The following KANK1 variants were observed in gnomAD, a reference collection of about 807,000 sequenced individuals.
The protein encoded by KANK1 is KN motif and ankyrin repeat domain-containing protein 1.
Under a neutral mutation model 106.2 loss-of-function variants are expected in KANK1, and 109 were observed. The observed-to-expected ratio is 1.03, with a 90% confidence interval of 0.88 to 1.20. The LOEUF (loss-of-function observed/expected upper bound fraction) is 1.20, where lower values mean the gene tolerates loss of function less well. Among genes scored for constraint, KANK1 ranks in the 50% most tolerant of loss-of-function variants. The pLI is 0.00. For synonymous variants in KANK1, 873 were observed against 652.2 expected (o/e 1.34, Z -5.16); for missense variants, 2,399 against 1,710.7 (o/e 1.40, Z -7.10).
At chr9:552,379 C>G (rs2641989) in intron 1 of KANK1, among the ~76,000 whole-genome samples, 121,417 of 152,114 alleles carry the variant, frequency 0.8, 51,272 homozygotes, top group Non-Finnish European at 0.93. Flanking sequence ...AAGACTCAAA[C>G]TCATTTTTAT....
intron 3 of KANK1, among the ~76,000 whole-genome samples, chr9:487,466 C>CA (rs2058312089): frequency 6.6e-6 from 1 of 152,196 alleles, no homozygotes; most frequent in Non-Finnish European, 1.5e-5. Flanking sequence ...ATTTTCAACT[C>CA]ACAATGTTTT....
chr9:704,359 T>G (rs1179783465), intron 2 of KANK1, among the ~76,000 whole-genome samples: 1 of 152,302 alleles, frequency 6.6e-6, no homozygotes, highest in South Asian at 2.1e-4. Flanking sequence ...AGATATGAAC[T>G]CATGTTTCAA....
chr9:707,094 A>G (rs899859291), intron 2 of KANK1: 30 of 985,442 alleles, frequency 3.0e-5, no homozygotes, highest in African/African-American at 8.7e-5. Flanking sequence ...AGCTCAGCCT[A>G]TGGCATCCGA....
At chr9:520,345 A>G (rs2133192759) in intron 1 of KANK1, among the ~76,000 whole-genome samples, 1 of 151,792 alleles carries the variant, frequency 6.6e-6, no homozygotes, top group East Asian at 1.9e-4. Flanking sequence ...TCTCAAAAAA[A>G]TAAATAAAAA....
chr9:728,946 C>T (rs911978287), intron 3 of KANK1, among the ~76,000 whole-genome samples: 2 of 152,196 alleles, frequency 1.3e-5, no homozygotes, highest in African/African-American at 4.8e-5. Context: ...CCTGTAACTT[C>T]TAGTCCACTA....
chr9:717,616 A>G (rs1828070572), intron 3 of KANK1, among the ~76,000 whole-genome samples: 1 of 152,152 alleles, frequency 6.6e-6, no homozygotes, highest in South Asian at 2.1e-4. Context: ...AATGCATTTA[A>G]TATTTTCTTT....
Position 737,462 on chromosome 9 carries a change from T to C in KANK1, c.3334-823T>C, listed in dbSNP as rs145888942. On this transcript the variant is annotated intron_variant, in intron 7 of 11. Transcript: ENST00000382297. ...AATATTAAACTCATATGAAGGCCCA[T>C]TGAAAAGACACTGTAGTCATCCTCA... 6.6e-5 allele frequency among the ~76,000 whole-genome samples: 10 copies of C among 152,312 alleles called. No individual in the cohort carries two copies. The East Asian group carries it at 1.2e-3, about 18-fold the overall frequency.
intron 1 of KANK1, among the ~76,000 whole-genome samples, chr9:537,240 A>G (rs2060348467): frequency 6.6e-6 from 1 of 152,014 alleles, no homozygotes; most frequent in Non-Finnish European, 1.5e-5. Context: ...GGAAAATTGG[A>G]CCCCTCTGTG....
rs555895384 is a variant in KANK1, at chr9:631,560, C to G, written c.-83-45330C>G. Among the ~76,000 whole-genome samples the G allele has an allele frequency of 6.2e-4, 95 of 152,286 alleles. 1 individual carries two copies. The highest frequency in any genetic ancestry group is 2.3e-3 in the African/African-American group (94 of 41,550). On this transcript the variant is annotated intron_variant, in intron 1 of 11. Transcript: ENST00000382297. ...ATCTCCTTCTTCCACATTCCTCCTC[C>G]TCTAGGCAAGGCAAGTCGTTTTCCT...
intron 1 of KANK1, among the ~76,000 whole-genome samples, chr9:609,170 C>A (rs1202149756): frequency 6.6e-6 from 1 of 151,846 alleles, no homozygotes; most frequent in Admixed American, 6.6e-5. Flanking sequence ...GTATTATTTA[C>A]CACATTATTA....
At chr9:546,577 CCT>C (rs1039008431) in intron 1 of KANK1, among the ~76,000 whole-genome samples, 3 of 152,058 alleles carry the variant, frequency 2.0e-5, no homozygotes, top group African/African-American at 7.2e-5. Flanking sequence ...GCCTCTCCTA[CCT>C]CTCTACCATA....
At chr9:481,807 G>A (rs2058209596) in intron 3 of KANK1, among the ~76,000 whole-genome samples, 1 of 151,718 alleles carries the variant, frequency 6.6e-6, no homozygotes, top group South Asian at 2.1e-4. Flanking sequence ...TCACACCACT[G>A]CACTCCAGCC....
rs1170120299 is a variant in KANK1, at chr9:691,615, T to TTTTC, written c.37+14609_37+14610insCTTT. On this transcript the variant is annotated intron_variant, in intron 2 of 11. Transcript: ENST00000382297. ...ATGTAACTAAATAATACCAGAATTT[T>TTTTC]TTTTTTTTTTTTTTTGAGACCAGAG... Among the ~76,000 whole-genome samples the TTTTC allele has an allele frequency of 1.4e-5, 2 of 140,402 alleles. 1 individual carries two copies. The allele number at this position is 140,402 out of a possible 152,430, so 92.1% of individuals were successfully genotyped here.
At chr9:737,991 C>G (rs1834248715) in intron 7 of KANK1, among the ~76,000 whole-genome samples, 1 of 152,152 alleles carries the variant, frequency 6.6e-6, no homozygotes, top group Admixed American at 6.5e-5. Context: ...GGTCATAAAG[C>G]TTTTAGGTAG....
At chr9:640,943 G>C (rs555570744) in intron 1 of KANK1, among the ~76,000 whole-genome samples, 1 of 152,000 alleles carries the variant, frequency 6.6e-6, no homozygotes. Flanking sequence ...TTATCTGCCC[G>C]CCTCGGCCTC....
At chr9:668,348 A>ATCTCTC (rs35261485) in intron 1 of KANK1, among the ~76,000 whole-genome samples, 95 of 151,488 alleles carry the variant, frequency 6.3e-4, no homozygotes, top group African/African-American at 1.6e-3. Context: ...TTGTATTATA[A>ATCTCTC]TCTCTCTCTC....
At chr9:602,943 C>T (rs1828137753) in intron 1 of KANK1, among the ~76,000 whole-genome samples, 3 of 151,864 alleles carry the variant, frequency 2.0e-5, no homozygotes, top group Admixed American at 6.5e-5. Flanking sequence ...AAGGCACATT[C>T]CACGTGTGGC....
At chr9:588,850 G>A (rs1365242551) in intron 1 of KANK1, among the ~76,000 whole-genome samples, 3 of 152,172 alleles carry the variant, frequency 2.0e-5, no homozygotes, top group East Asian at 3.8e-4. Context: ...CTTTAGAACA[G>A]TGCCTGACTT....
In KANK1 at chr9:711,122, C is replaced by T; in HGVS notation, c.356C>T (p.Ser119Leu). 6.2e-7 allele frequency: 1 copy of T among 1,614,196 alleles called. No homozygotes were observed. Among genetic ancestry groups the T allele is most frequent in the Non-Finnish European group, 8.5e-7 (1 of 1,180,042 alleles). The change falls in exon 3 of 12, where the codon TCA (serine) becomes TTA (leucine). Residue 119 changes from serine to leucine, a missense_variant. Physicochemically the swap from Ser to Leu is moderately radical, Grantham distance 145. Coordinates refer to ENST00000382297, the MANE Select transcript of KANK1 (RefSeq NM_015158.5). ...ARSQVTSTPI[S>L]KPPPPLETSL... Reference sequence around the variant, plus strand: ...AGTCAAGTTACATCAACTCCAATCTCAAAGCCACCTCCCCCTCTGGAGACC... The same window carrying T: ...AGTCAAGTTACATCAACTCCAATCTTAAAGCCACCTCCCCCTCTGGAGACC...
Sources: allele counts gnomAD v4.1 joint callset (sites outside exome capture counted in the v4.1 genomes callset), GRCh38; gene constraint gnomAD v4.1.1; transcripts MANE v1.5; gene names NCBI Gene and HGNC (gene_info 2026-07-23, HGNC 2026-07-21).